The following SLIT3 variants were observed in gnomAD, a reference collection of about 807,000 sequenced individuals.
SLIT3 encodes the protein slit homolog 3 protein.
Under a neutral mutation model 184.0 loss-of-function variants are expected in SLIT3, and 68 were observed. That is an observed-to-expected ratio of 0.37 (90% confidence interval 0.30 to 0.45). The LOEUF (loss-of-function observed/expected upper bound fraction) is 0.45. SLIT3 is among the 20% of genes least tolerant of loss of function. The probability of loss-of-function intolerance (pLI) is 1.00; values close to 1 mark genes in which losing one functional copy is unlikely to be tolerated. For missense variants in SLIT3, 1,707 were observed against 2,026.0 expected, an observed-to-expected ratio of 0.84 and a Z score of 3.02; for synonymous variants, 831 against 828.6, an observed-to-expected ratio of 1.00 and a Z score of -0.05.
At chr5:168,907,431 T>C (rs1050119288) in intron 4 of SLIT3, among the ~76,000 whole-genome samples, 1 of 152,170 alleles carries the variant, frequency 6.6e-6, no homozygotes, top group Non-Finnish European at 1.5e-5. Flanking sequence ...CTTTCTTATG[T>C]AGTAAAGTAT....
At chr5:169,077,147 C>G (rs1295471185) in intron 4 of SLIT3, among the ~76,000 whole-genome samples, 1 of 152,192 alleles carries the variant, frequency 6.6e-6, no homozygotes, top group Non-Finnish European at 1.5e-5. Flanking sequence ...GGATGAAGAC[C>G]TTTATGGTGA....
chr5:168,925,267 A>C (rs1269802368), intron 4 of SLIT3, among the ~76,000 whole-genome samples: 1 of 152,216 alleles, frequency 6.6e-6, no homozygotes, highest in Non-Finnish European at 1.5e-5. Flanking sequence ...AGTAACTTGC[A>C]GGAATAGCAT....
At chr5:169,161,489 C>T (rs576650539) in intron 4 of SLIT3, among the ~76,000 whole-genome samples, 1 of 152,174 alleles carries the variant, frequency 6.6e-6, no homozygotes, top group Non-Finnish European at 1.5e-5. Flanking sequence ...CTGCCGCCTC[C>T]ACTCCTTCAG....
At chr5:168,832,801 A>G (rs1757923272) in intron 6 of SLIT3, among the ~76,000 whole-genome samples, 1 of 152,184 alleles carries the variant, frequency 6.6e-6, no homozygotes, top group Non-Finnish European at 1.5e-5. Context: ...GTTTTTTAAT[A>G]TTGGCAGCTA....
chr5:169,081,788 T>G (rs1048527849), intron 4 of SLIT3, among the ~76,000 whole-genome samples: 1 of 152,152 alleles, frequency 6.6e-6, no homozygotes, highest in Non-Finnish European at 1.5e-5. Flanking sequence ...TTTAAAAAAT[T>G]TATCCCAGGC....
At chr5:169,002,726 C>A (rs1194912151) in intron 4 of SLIT3, among the ~76,000 whole-genome samples, 1 of 152,188 alleles carries the variant, frequency 6.6e-6, no homozygotes, top group Non-Finnish European at 1.5e-5. Context: ...CTTCCTTGAT[C>A]AAAGTATTTC....
rs370407917 is a variant in SLIT3 at position 168,696,438 on chromosome 5, G to C, written c.2943-7C>G. The C allele has an allele frequency of 1.2e-6, 2 of 1,613,900 alleles. No homozygotes were observed. Among genetic ancestry groups the C allele is most frequent in the Non-Finnish European group, 1.7e-6 (2 of 1,180,028 alleles). ...GCCCAGAGGGCAGGAGCAGCTTTGGGATGTGAGGGGTGGAGAGCAGGGGAG... is the reference window on the plus strand; with the variant it reads ...GCCCAGAGGGCAGGAGCAGCTTTGGCATGTGAGGGGTGGAGAGCAGGGGAG... On this transcript the variant is annotated splice_polypyrimidine_tract_variant and splice_region_variant and intron_variant, in intron 27 of 35. Coordinates refer to ENST00000519560, the MANE Select transcript of SLIT3 (RefSeq NM_003062.4).
chr5:169,035,193 A>C (rs1757190961), intron 4 of SLIT3, among the ~76,000 whole-genome samples: 1 of 152,110 alleles, frequency 6.6e-6, no homozygotes, highest in African/African-American at 2.4e-5. Context: ...ACTGTAAGAG[A>C]AGAACCTGGC....
At chr5:168,741,478 C>CAAA (rs3061744) in intron 20 of SLIT3, among the ~76,000 whole-genome samples, 26 of 81,576 alleles carry the variant, frequency 3.2e-4, no homozygotes, top group South Asian at 5.2e-4. Context: ...GACTCGGTCT[C>CAAA]AAAAAAAAAA....
intron 4 of SLIT3, among the ~76,000 whole-genome samples, chr5:168,926,199 G>C (rs1003112853): frequency 6.6e-6 from 1 of 151,714 alleles, no homozygotes; most frequent in Non-Finnish European, 1.5e-5. Flanking sequence ...CATCCAACAG[G>C]GTTCTCAGTG....
intron 9 of SLIT3, among the ~76,000 whole-genome samples, chr5:168,800,495 G>A (rs1277483623): frequency 6.6e-6 from 1 of 152,182 alleles, no homozygotes; most frequent in East Asian, 1.9e-4. Context: ...GCTGAGATAG[G>A]AGAATCACTT....
At chr5:168,998,754 AG>A (rs1755599964) in intron 4 of SLIT3, among the ~76,000 whole-genome samples, 1 of 151,634 alleles carries the variant, frequency 6.6e-6, no homozygotes, top group South Asian at 2.1e-4. Context: ...GCCATTGAAC[AG>A]GGTGAAAAGA....
intron 4 of SLIT3, among the ~76,000 whole-genome samples, chr5:168,903,785 C>T (rs896324154): frequency 2.0e-5 from 3 of 148,964 alleles, no homozygotes; most frequent in Non-Finnish European, 4.5e-5. Flanking sequence ...AGAATCATGG[C>T]GGTCCCTCCC....
intron 4 of SLIT3, among the ~76,000 whole-genome samples, chr5:169,094,957 C>A (rs940630346): frequency 2.0e-5 from 3 of 152,196 alleles, no homozygotes; most frequent in Non-Finnish European, 2.9e-5. Flanking sequence ...CGGCCCACCC[C>A]TGCCTGGGGA....
chr5:169,288,276 T>G (rs1305449485), intron 1 of SLIT3, among the ~76,000 whole-genome samples: 4 of 152,224 alleles, frequency 2.6e-5, no homozygotes, highest in African/African-American at 9.6e-5. Context: ...GAACTTGTGC[T>G]GTTTGCCAGC....
At chr5:169,018,170 A>T (rs1226022616) in intron 4 of SLIT3, among the ~76,000 whole-genome samples, 1 of 152,230 alleles carries the variant, frequency 6.6e-6, no homozygotes, top group Non-Finnish European at 1.5e-5. Flanking sequence ...AAACTGAGGC[A>T]GATCCCTGGG....
intron 1 of SLIT3, among the ~76,000 whole-genome samples, chr5:169,291,819 G>C (rs753432777): frequency 6.6e-6 from 1 of 152,214 alleles, no homozygotes; most frequent in African/African-American, 2.4e-5. Context: ...TCTGAGACCA[G>C]CCTGGCTGGA....
At chr5:168,773,798 G>C (rs1196373768) in intron 13 of SLIT3, among the ~76,000 whole-genome samples, 1 of 152,098 alleles carries the variant, frequency 6.6e-6, no homozygotes, top group Admixed American at 6.5e-5. Flanking sequence ...GGTTAAGCGG[G>C]GGCAGGAGTG....
chr5:169,215,072 C>A (rs1764390964), intron 3 of SLIT3, among the ~76,000 whole-genome samples: 1 of 152,168 alleles, frequency 6.6e-6, no homozygotes, highest in Non-Finnish European at 1.5e-5. Flanking sequence ...ATAATACAAA[C>A]TTAATTATGT....
Sources: gnomAD v4.1 joint callset for allele counts (sites outside exome capture counted in the v4.1 genomes callset) on GRCh38, gnomAD v4.1.1 for gene constraint, MANE v1.5 for transcripts, NCBI Gene and HGNC (gene_info 2026-07-23, HGNC 2026-07-21) for gene names.